Variants in AGBL4 observed in about 807,000 individuals in gnomAD.
The protein encoded by AGBL4 is cytosolic carboxypeptidase 6.
Under a neutral mutation model 66.4 loss-of-function variants are expected in AGBL4, and 58 were observed. That is an observed-to-expected ratio of 0.87 (90% CI 0.71 to 1.09). The LOEUF is 1.09. AGBL4 is among the 50% of genes least tolerant of loss of function. AGBL4 has a pLI of 0.00. For missense variants in AGBL4, 579 were observed against 631.0 expected (o/e 0.92, Z 0.88); for synonymous variants, 234 against 222.9 (o/e 1.05, Z -0.44).
At chr1:49,682,974 G>A (rs992447960) in intron 3 of AGBL4, among the ~76,000 whole-genome samples, 1 of 152,124 alleles carries the variant, frequency 6.6e-6, no homozygotes, top group African/African-American at 2.4e-5. Flanking sequence ...TCAGAGAAAG[G>A]TTCTACTTCA....
chr1:49,738,885 G>A (rs554256028), intron 2 of AGBL4, among the ~76,000 whole-genome samples: 7 of 151,924 alleles, frequency 4.6e-5, no homozygotes, highest in South Asian at 2.1e-4. Context: ...AAAGGACATC[G>A]ATACCAAAAC....
intron 3 of AGBL4, among the ~76,000 whole-genome samples, chr1:49,428,318 G>A (rs961144618): frequency 2.0e-5 from 3 of 152,122 alleles, no homozygotes; most frequent in Non-Finnish European, 4.4e-5. Context: ...GGAAAATATT[G>A]AATTTCACAC....
chr1:49,445,836 ATTTAT>A (rs1350359462), intron 3 of AGBL4, among the ~76,000 whole-genome samples: 4 of 151,842 alleles, frequency 2.6e-5, no homozygotes, highest in Admixed American at 2.0e-4. Context: ...TAAAATCCAT[ATTTAT>A]TTTATTTTAT....
At chr1:49,694,265 C>T (rs1646942333) in intron 3 of AGBL4, among the ~76,000 whole-genome samples, 2 of 152,028 alleles carry the variant, frequency 1.3e-5, no homozygotes, top group Admixed American at 1.3e-4. Flanking sequence ...GAAAGAGATG[C>T]TATAAAAACA....
At chr1:50,017,252 C>T (rs934316554) in intron 1 of AGBL4, 4 of 152,040 alleles carry the variant, frequency 2.6e-5, no homozygotes, top group Admixed American at 6.6e-5. Flanking sequence ...ATAATAATAA[C>T]GGCCCTAGTA....
At chr1:49,711,078 A>G (rs1048704356) in intron 2 of AGBL4, among the ~76,000 whole-genome samples, 6 of 152,068 alleles carry the variant, frequency 3.9e-5, no homozygotes, top group African/African-American at 1.4e-4. Flanking sequence ...ATAATAAACA[A>G]TAGAAAATTT....
intron 6 of AGBL4, among the ~76,000 whole-genome samples, chr1:48,801,958 G>T (rs1268207068): frequency 2.0e-5 from 3 of 148,858 alleles, no homozygotes; most frequent in Admixed American, 6.7e-5. Flanking sequence ...GACATCCCTT[G>T]GTCTCCAGCT....
chr1:48,695,738 G>C lies in AGBL4; in HGVS notation c.635-32497C>G, dbSNP rs142719318. Among the ~76,000 whole-genome samples the C allele has an allele frequency of 8.6e-3, 1,307 of 152,256 alleles. 66 individuals carry two copies. Among genetic ancestry groups the C allele is most frequent in the Admixed American group, 0.079 (1,209 of 15,296 alleles). On this transcript the variant is annotated intron_variant, in intron 6 of 13. Coordinates refer to ENST00000371839, the MANE Select transcript of AGBL4 (RefSeq NM_032785.4). ...AGAGGAGGACAGCTAAATTCTGTGG[G>C]TGGACCCATTTTAAGGCACCCCCAT...
chr1:49,566,826 TCAGA>T (rs1246373365), intron 3 of AGBL4, among the ~76,000 whole-genome samples: 1 of 152,196 alleles, frequency 6.6e-6, no homozygotes, highest in Non-Finnish European at 1.5e-5. Flanking sequence ...TTCAAAGCTG[TCAGA>T]CAGGGACATT....
At chr1:49,096,913 C>G (rs1171702787) in intron 4 of AGBL4, among the ~76,000 whole-genome samples, 1 of 151,630 alleles carries the variant, frequency 6.6e-6, no homozygotes, top group Non-Finnish European at 1.5e-5. Flanking sequence ...GTTGCTGGCT[C>G]TGAAGATGAA....
At chr1:49,074,124 C>T (rs1023174688) in intron 4 of AGBL4, among the ~76,000 whole-genome samples, 4 of 152,210 alleles carry the variant, frequency 2.6e-5, no homozygotes, top group South Asian at 4.1e-4. Context: ...CTCAAGACTG[C>T]CGCGCTCACA....
chr1:49,632,861 A>G (rs1645597778), intron 3 of AGBL4, among the ~76,000 whole-genome samples: 2 of 152,018 alleles, frequency 1.3e-5, no homozygotes, highest in South Asian at 4.1e-4. Flanking sequence ...TGATCACGAG[A>G]TCAAGAGATA....
intron 3 of AGBL4, among the ~76,000 whole-genome samples, chr1:49,455,833 A>G (rs1412663503): frequency 2.0e-5 from 3 of 151,662 alleles, no homozygotes; most frequent in African/African-American, 7.3e-5. Flanking sequence ...CTGTTTTTGA[A>G]CACATCAAAC....
At chr1:49,787,033 T>TA (rs1199252159) in intron 2 of AGBL4, among the ~76,000 whole-genome samples, 1 of 152,174 alleles carries the variant, frequency 6.6e-6, no homozygotes, top group Non-Finnish European at 1.5e-5. Flanking sequence ...TTCAATACTG[T>TA]ACAAGATTCC....
chr1:49,036,621 G>A (rs1415607755), intron 5 of AGBL4, among the ~76,000 whole-genome samples: 2 of 151,932 alleles, frequency 1.3e-5, no homozygotes, highest in Non-Finnish European at 2.9e-5. Context: ...CTGGAAAGCA[G>A]TGGCACAATT....
chr1:48,782,701 C>G (rs1645325136), intron 6 of AGBL4, among the ~76,000 whole-genome samples: 1 of 152,156 alleles, frequency 6.6e-6, no homozygotes, highest in Non-Finnish European at 1.5e-5. Flanking sequence ...CAGGTATAGC[C>G]TCCTTAATAC....
intron 3 of AGBL4, among the ~76,000 whole-genome samples, chr1:49,397,951 CA>C (rs1470293690): frequency 6.6e-6 from 1 of 152,206 alleles, no homozygotes; most frequent in East Asian, 1.9e-4. Flanking sequence ...CAAACCAAGA[CA>C]GACAAAACAG....
At chr1:49,527,539 C>T (rs528177200) in intron 3 of AGBL4, 1 of 152,846 alleles carries the variant, frequency 6.5e-6, no homozygotes, top group Admixed American at 6.5e-5. Flanking sequence ...ATCACAGGGG[C>T]CTACTTCTTT....
intron 9 of AGBL4, among the ~76,000 whole-genome samples, chr1:48,628,837 C>A (rs1276469432): frequency 8.9e-6 from 1 of 111,918 alleles, no homozygotes; most frequent in East Asian, 3.2e-4. Flanking sequence ...CCCCCACCCC[C>A]ACATGGATTA....
Sources: gnomAD v4.1 joint callset for allele counts (sites outside exome capture counted in the v4.1 genomes callset) on GRCh38, gnomAD v4.1.1 for gene constraint, MANE v1.5 for transcripts, NCBI Gene and HGNC (gene_info 2026-07-23, HGNC 2026-07-21) for gene names.